ATP10B: variants seen among roughly 807,000 people sequenced by gnomAD.
ATP10B encodes phospholipid-transporting ATPase VB.
Under a neutral mutation model 141.2 loss-of-function variants are expected in ATP10B, and 122 were observed. That is an observed-to-expected ratio of 0.86 (90% CI 0.75 to 1.00). The LOEUF (loss-of-function observed/expected upper bound fraction) is 1.00, where lower values mean the gene tolerates loss of function less well. Among genes scored for constraint, ATP10B ranks in the 50% least tolerant of loss-of-function variants. The pLI, the probability that ATP10B is intolerant of heterozygous loss-of-function variation, is 0.00. For missense variants in ATP10B, 1,876 were observed against 1,825.3 expected (o/e 1.03, Z -0.51); for synonymous variants, 685 against 692.0 (o/e 0.99, Z 0.16).
At chr5:160,839,140 T>A (rs1775660649) in intron 1 of ATP10B, among the ~76,000 whole-genome samples, 1 of 152,140 alleles carries the variant, frequency 6.6e-6, no homozygotes, top group East Asian at 1.9e-4. Context: ...TAGTCTCAGG[T>A]ATTCCTTTAT....
Position 160,612,898 on chromosome 5 carries a change from T to C in ATP10B, c.2681A>G (p.Gln894Arg). Reference sequence around the variant, plus strand: ...GGCAATCGTATCTGGAACTCCTTCCTGCAGCCGGTCTTCGATCCCAGTGGC... The same window carrying C: ...GGCAATCGTATCTGGAACTCCTTCCCGCAGCCGGTCTTCGATCCCAGTGGC... ...LGATGIEDRLQEGVPDTIATL... is the reference protein window; with the variant it reads ...LGATGIEDRLREGVPDTIATL... The change falls in exon 18 of 26, where the codon CAG becomes CGG. Residue 894 changes from glutamine (Q) to arginine (R), a missense_variant. Physicochemically the swap from Gln to Arg is conservative, Grantham distance 43. Transcript: ENST00000327245. The C allele has an allele frequency of 6.2e-7, 1 of 1,613,684 alleles. No individual in the cohort carries two copies. Among genetic ancestry groups the C allele is most frequent in the Non-Finnish European group, 8.5e-7 (1 of 1,179,822 alleles).
At chr5:160,833,773 G>A (rs927482363) in intron 1 of ATP10B, among the ~76,000 whole-genome samples, 12 of 152,098 alleles carry the variant, frequency 7.9e-5, no homozygotes, top group African/African-American at 2.9e-4. Flanking sequence ...TACTTTGTGT[G>A]ATGTTTTTAA....
intron 8 of ATP10B, among the ~76,000 whole-genome samples, chr5:160,644,707 T>C (rs1017514077): frequency 2.6e-5 from 4 of 152,148 alleles, no homozygotes; most frequent in African/African-American, 9.7e-5. Flanking sequence ...AGTTACCCTA[T>C]ATGGTTTAAA....
intron 24 of ATP10B, among the ~76,000 whole-genome samples, chr5:160,585,287 A>T (rs937639825): frequency 6.6e-6 from 1 of 152,180 alleles, no homozygotes; most frequent in Admixed American, 6.6e-5. Context: ...TTTCAATGAC[A>T]ATATTTTATT....
intron 24 of ATP10B, 30 bp downstream of exon 24, chr5:160,589,562 T>C (rs1302406124): frequency 3.2e-6 from 5 of 1,564,142 alleles, no homozygotes; most frequent in Non-Finnish European, 4.4e-6. Context: ...GAGCACAGTT[T>C]TGAAGCCAAA....
the ATP10B span, among the ~76,000 whole-genome samples, chr5:160,882,166 A>G: frequency 3.9e-5 from 6 of 152,324 alleles, no homozygotes; most frequent in Admixed American, 3.3e-4. Context: ...TTTTTGTGAT[A>G]CTATAATGAT....
At chr5:160,897,195 C>A in the ATP10B span, among the ~76,000 whole-genome samples, 1 of 152,120 alleles carries the variant, frequency 6.6e-6, no homozygotes, top group East Asian at 1.9e-4. Context: ...CTGGCCAGGG[C>A]AATCAGGCAT....
At chr5:160,923,961 G>A in the ATP10B span, among the ~76,000 whole-genome samples, 2 of 152,200 alleles carry the variant, frequency 1.3e-5, no homozygotes, top group East Asian at 3.8e-4. Flanking sequence ...CCAACACTCT[G>A]CCCTCATGTT....
chr5:160,642,377 C>G (rs1485779702), intron 9 of ATP10B, among the ~76,000 whole-genome samples: 1 of 152,184 alleles, frequency 6.6e-6, no homozygotes, highest in Non-Finnish European at 1.5e-5. Context: ...TCACCTTGGC[C>G]TTTTTGGGCC....
intron 2 of ATP10B, among the ~76,000 whole-genome samples, chr5:160,731,005 A>T (rs1332442094): frequency 6.6e-6 from 1 of 152,094 alleles, no homozygotes; most frequent in African/African-American, 2.4e-5. Flanking sequence ...GACCCCATTA[A>T]CCTTCCCATA....
At chr5:160,914,335 A>G in the ATP10B span, among the ~76,000 whole-genome samples, 1 of 152,196 alleles carries the variant, frequency 6.6e-6, no homozygotes, top group Non-Finnish European at 1.5e-5. Flanking sequence ...AACATGAACC[A>G]ACTATAGTCA....
At position 160,755,873 on chromosome 5, in the gene ATP10B, ATAT is replaced by A. The variant is rs1335435948; in HGVS notation, c.-331+29683_-331+29685del. On this transcript the variant is annotated intron_variant, in intron 2 of 25. Coordinates refer to ENST00000327245, the MANE Select transcript of ATP10B (RefSeq NM_025153.3). ...TATATATATATATATATATATATAT[ATAT>A]ATTATAATTTTATGGAACCACTGTC... is the stretch of plus-strand genomic sequence containing the variant. 6.2e-4 allele frequency among the ~76,000 whole-genome samples: 71 copies of A among 115,264 alleles called. 1 individual carries two copies. The highest frequency in any genetic ancestry group is 2.7e-3 in the African/African-American group (64 of 23,446). The allele number at this position is 115,264 out of a possible 152,430, so 75.6% of individuals were successfully genotyped here. A position where few individuals can be genotyped will look rare whatever the true frequency, so the allele number is the denominator to read the frequency against.
At chr5:160,858,054 TA>T in the ATP10B span, among the ~76,000 whole-genome samples, 1 of 151,990 alleles carries the variant, frequency 6.6e-6, no homozygotes, top group African/African-American at 2.4e-5. Flanking sequence ...TTCGATTTTT[TA>T]TTTTTTAAAA....
At chr5:160,862,835 C>T in the ATP10B span, among the ~76,000 whole-genome samples, 2 of 151,874 alleles carry the variant, frequency 1.3e-5, no homozygotes, top group East Asian at 1.9e-4. Flanking sequence ...ACACATATGC[C>T]ACATAAAAGT....
At chr5:160,633,938 A>C in intron 12 of ATP10B, 1 of 344,526 alleles carries the variant, frequency 2.9e-6, no homozygotes, top group South Asian at 2.3e-5. Flanking sequence ...TGGATGTATT[A>C]AATCTGACCA....
At position 160,688,108 on chromosome 5, in the gene ATP10B, C is replaced by G; in HGVS notation, c.-20-14G>C. On this transcript the variant is annotated splice_polypyrimidine_tract_variant and intron_variant, in intron 4 of 25. Transcript: ENST00000327245. ...GCAGGCGAAGATCTGAAAACAGACACAGGAGGAGCTATGTTTAGGAGAAAC... is the reference window on the plus strand; with the variant it reads ...GCAGGCGAAGATCTGAAAACAGACAGAGGAGGAGCTATGTTTAGGAGAAAC... The G allele has an allele frequency of 6.3e-7, 1 of 1,598,884 alleles. No individual in the cohort carries two copies. Among genetic ancestry groups the G allele is most frequent in the Non-Finnish European group, 8.5e-7 (1 of 1,172,556 alleles).
chr5:160,701,166 C>T (rs1410170834), intron 3 of ATP10B, among the ~76,000 whole-genome samples: 1 of 152,116 alleles, frequency 6.6e-6, no homozygotes, highest in Admixed American at 6.5e-5. Context: ...AAATACTTCG[C>T]CAAACTCTAG....
the ATP10B span, among the ~76,000 whole-genome samples, chr5:160,881,317 G>C: frequency 6.6e-6 from 1 of 152,188 alleles, no homozygotes; most frequent in Non-Finnish European, 1.5e-5. Flanking sequence ...TGGGGAATAA[G>C]AGAAACTCTC....
chr5:160,674,280 C>G (rs942080912), intron 6 of ATP10B, among the ~76,000 whole-genome samples: 3 of 152,170 alleles, frequency 2.0e-5, no homozygotes, highest in Admixed American at 2.0e-4. Context: ...TCATTCTCCC[C>G]CTTTGTAATA....
Sources: allele counts gnomAD v4.1 joint callset (sites outside exome capture counted in the v4.1 genomes callset), GRCh38; gene constraint gnomAD v4.1.1; transcripts MANE v1.5; gene names NCBI Gene and HGNC (gene_info 2026-07-23, HGNC 2026-07-21).